CNTLN: variants seen among roughly 807,000 people sequenced by gnomAD.
The protein encoded by CNTLN is centlein, centrosomal protein.
Under a neutral mutation model 180.0 loss-of-function variants are expected in CNTLN, and 212 were observed. The observed-to-expected ratio is 1.18, with a 90% CI of 1.05 to 1.32. The LOEUF (loss-of-function observed/expected upper bound fraction) is 1.32. Ranked by LOEUF, CNTLN falls within the 40% of genes most tolerant of loss-of-function variation. The pLI, the probability that CNTLN is intolerant of heterozygous loss-of-function variation, is 0.00. For synonymous variants in CNTLN, 722 were observed against 563.1 expected (o/e 1.28, Z -3.99); for missense variants, 2,095 against 1,610.9 (o/e 1.30, Z -5.14).
chr9:17,291,759 A>G (rs1829426744), intron 6 of CNTLN, among the ~76,000 whole-genome samples: 1 of 152,210 alleles, frequency 6.6e-6, no homozygotes, highest in Non-Finnish European at 1.5e-5. Flanking sequence ...CTCTTTATCC[A>G]GCTTGCCATT....
rs979178518 is a variant in CNTLN, at chr9:17,355,090, G to A, written c.1887-11527G>A. Among the ~76,000 whole-genome samples the A allele has an allele frequency of 2.0e-5, 3 of 152,094 alleles. 1 individual carries two copies. Among genetic ancestry groups the A allele is most frequent in the South Asian group, 4.1e-4 (2 of 4,820 alleles). ...ATCAGAAGGGACAGACTCCAGACGC[G>A]CCACTTTAAGAGCTGTAACACTCAC... On this transcript the variant is annotated intron_variant, in intron 12 of 25. Transcript: ENST00000380647.
At chr9:17,399,241 A>T (rs1424130455) in intron 15 of CNTLN, among the ~76,000 whole-genome samples, 1 of 152,190 alleles carries the variant, frequency 6.6e-6, no homozygotes, top group Non-Finnish European at 1.5e-5. Context: ...ATGTTAATAT[A>T]CTTGTTTTTC....
intron 18 of CNTLN, among the ~76,000 whole-genome samples, chr9:17,420,350 A>T (rs1396480406): frequency 6.6e-6 from 1 of 152,202 alleles, no homozygotes; most frequent in Non-Finnish European, 1.5e-5. Flanking sequence ...GATTATTGGC[A>T]TATAGTTGGT....
chr9:17,528,135 G>T, the CNTLN span, among the ~76,000 whole-genome samples: 2 of 152,032 alleles, frequency 1.3e-5, no homozygotes, highest in Non-Finnish European at 2.9e-5. Flanking sequence ...CCCTCAAAAG[G>T]GCTGGGGAAA....
intron 2 of CNTLN, among the ~76,000 whole-genome samples, chr9:17,205,010 C>T (rs1265237021): frequency 6.6e-6 from 1 of 152,134 alleles, no homozygotes; most frequent in Non-Finnish European, 1.5e-5. Context: ...CTAGGAAAGC[C>T]TCATTCATTG....
intron 2 of CNTLN, among the ~76,000 whole-genome samples, chr9:17,212,152 TC>T (rs1332438380): frequency 5.9e-5 from 9 of 151,876 alleles, no homozygotes; most frequent in Admixed American, 5.9e-4. Context: ...AGGGAATGCT[TC>T]CAGTTTTTGC....
At chr9:17,298,760 T>TA in intron 7 of CNTLN, 1 of 988,592 alleles carries the variant, frequency 1.0e-6, no homozygotes, top group Non-Finnish European at 1.2e-6. Context: ...TCTTCACAAA[T>TA]ACAAAGGGGA....
intron 2 of CNTLN, among the ~76,000 whole-genome samples, chr9:17,160,537 T>C (rs1436122350): frequency 1.3e-5 from 2 of 152,200 alleles, no homozygotes; most frequent in African/African-American, 4.8e-5. Context: ...TTTTGCAGTG[T>C]CACTCAAATT....
In CNTLN at chr9:17,231,461, A is replaced by G. The variant is rs75002313; in HGVS notation, c.535-4197A>G. On this transcript the variant is annotated intron_variant, in intron 3 of 25. Coordinates refer to ENST00000380647, the MANE Select transcript of CNTLN (RefSeq NM_017738.4). ...ACTATGTTTTAGCTTTGTCACTGTT[A>G]TAAAACAATGTTAATACATTTCCCT... 0.019 allele frequency among the ~76,000 whole-genome samples: 2,884 copies of G among 152,136 alleles called. 182 individuals carry two copies. The East Asian group carries it at 0.25, about 13-fold the overall frequency.
At chr9:17,327,459 C>T (rs1820379712) in intron 8 of CNTLN, among the ~76,000 whole-genome samples, 3 of 148,580 alleles carry the variant, frequency 2.0e-5, no homozygotes, top group Admixed American at 1.3e-4. Context: ...GCTGGGATTA[C>T]AGGCATGAGC....
At chr9:17,256,775 G>T (rs1367345460) in intron 5 of CNTLN, among the ~76,000 whole-genome samples, 3 of 151,754 alleles carry the variant, frequency 2.0e-5, no homozygotes, top group African/African-American at 7.3e-5. Flanking sequence ...AGGGGATTTG[G>T]GGATTTCTTT....
At position 17,359,717 on chromosome 9, in the gene CNTLN, T is replaced by TAAAAAAAAA. The variant is rs1456379699; in HGVS notation, c.1887-6895_1887-6894insAAAAAAAAA. On this transcript the variant is annotated intron_variant, in intron 12 of 25. Transcript: ENST00000380647. ...TAACACGGTGAAACTCCGTCTATAC[T>TAAAAAAAAA]AAAAATACAAAAAAAAAAAAAAAAA... Among the ~76,000 whole-genome samples, 100 of 13,444 alleles carry TAAAAAAAAA rather than the reference T, an allele frequency of 7.4e-3. 9 individuals carry two copies. The highest frequency in any genetic ancestry group is 0.17 in the Middle Eastern group (1 of 6). 8.8% of individuals were successfully genotyped at this position (13,444 alleles called of 152,430 possible). A position where few individuals can be genotyped will look rare whatever the true frequency, so the allele number is the denominator to read the frequency against.
chr9:17,358,335 G>A lies in CNTLN; in HGVS notation c.1887-8282G>A, dbSNP rs140398962. ...TTATCAAAATAGAAATGCTTAAAAA[G>A]CAAAAGTTGATTGAAAAGAAGAAAG... On this transcript the variant is annotated intron_variant, in intron 12 of 25. Transcript: ENST00000380647. Among the ~76,000 whole-genome samples, 447 of 152,038 alleles carry A rather than the reference G, an allele frequency of 2.9e-3. 4 individuals carry two copies. The highest frequency in any genetic ancestry group is 0.01 in the African/African-American group (423 of 41,528).
chr9:17,229,051 G>C lies in CNTLN; in HGVS notation c.534+2764G>C, dbSNP rs149077943. On this transcript the variant is annotated intron_variant, in intron 3 of 25. Transcript: ENST00000380647. The stretch of plus-strand genomic sequence containing the variant: ...GGGTATTTAATAGTTTAGTTAGAGG[G>C]AAGACTTTAAGCAGTGAGAATTTTG... 2.1e-4 allele frequency among the ~76,000 whole-genome samples: 32 copies of C among 152,096 alleles called. No homozygotes were observed. In the East Asian group the frequency reaches 4.8e-3, roughly 23 times the overall value.
At chr9:17,332,236 T>C (rs1455297431) in intron 9 of CNTLN, among the ~76,000 whole-genome samples, 1 of 152,100 alleles carries the variant, frequency 6.6e-6, no homozygotes, top group Non-Finnish European at 1.5e-5. Context: ...CCCTCTTGTT[T>C]CTGGTTGTCC....
intron 25 of CNTLN, 100 bp downstream of exon 25, chr9:17,487,166 G>T (rs1349920450): frequency 1.2e-5 from 9 of 764,158 alleles, no homozygotes; most frequent in Non-Finnish European, 2.1e-5. Context: ...CTTCCCCATT[G>T]TTTACTTCTG....
chr9:17,388,103 A>G (rs1401283294), intron 13 of CNTLN, 59 bp from the exon 14 acceptor site: 7 of 1,070,332 alleles, frequency 6.5e-6, no homozygotes, highest in Non-Finnish European at 9.5e-6. Flanking sequence ...TCTTAAAATG[A>G]CAGGACAGTA....
intron 2 of CNTLN, among the ~76,000 whole-genome samples, chr9:17,220,442 C>T (rs986805876): frequency 7.9e-5 from 12 of 151,894 alleles, no homozygotes; most frequent in Admixed American, 1.3e-4. Context: ...GGTACATGTG[C>T]AGGTTTGTAA....
At chr9:17,316,346 G>T (rs1819538484) in intron 8 of CNTLN, among the ~76,000 whole-genome samples, 1 of 151,856 alleles carries the variant, frequency 6.6e-6, no homozygotes, top group East Asian at 1.9e-4. Flanking sequence ...CGTTTCTCTT[G>T]TAGACACCAT....
Sources: gnomAD v4.1 joint callset for allele counts (sites outside exome capture counted in the v4.1 genomes callset) on GRCh38, gnomAD v4.1.1 for gene constraint, MANE v1.5 for transcripts, NCBI Gene and HGNC (gene_info 2026-07-23, HGNC 2026-07-21) for gene names.